Variants in MYCBP2 observed in about 807,000 individuals in gnomAD.
MYCBP2 encodes E3 ubiquitin-protein ligase MYCBP2.
In MYCBP2, 120 loss-of-function variants were observed where a neutral mutation model predicts 525.3. The ratio of observed to expected loss-of-function variants is 0.23; its 90% CI spans 0.20 to 0.27. The LOEUF (loss-of-function observed/expected upper bound fraction) is 0.27, where lower values mean the gene tolerates loss of function less well. Among genes scored for constraint, MYCBP2 ranks in the 10% least tolerant of loss-of-function variants. The pLI is 1.00. For missense variants in MYCBP2, 4,149 were observed against 5,657.1 expected, an observed-to-expected ratio of 0.73 and a Z score of 8.55; for synonymous variants, 1,894 against 1,955.8, an observed-to-expected ratio of 0.97 and a Z score of 0.83.
chr13:77,050,606 A>G (rs1194084712), intron 82 of MYCBP2, among the ~76,000 whole-genome samples: 1 of 151,918 alleles, frequency 6.6e-6, no homozygotes, highest in Non-Finnish European at 1.5e-5. Context: ...GCCATTCTAG[A>G]TTAAATCACT....
At chr13:77,106,429 CAGA>C (rs2047861197) in intron 55 of MYCBP2, among the ~76,000 whole-genome samples, 1 of 152,046 alleles carries the variant, frequency 6.6e-6, no homozygotes, top group Non-Finnish European at 1.5e-5. Context: ...ACAGGCTATT[CAGA>C]AGGACAATAT....
intron 17 of MYCBP2, among the ~76,000 whole-genome samples, chr13:77,237,838 C>A (rs1294396657): frequency 6.6e-6 from 1 of 152,066 alleles, no homozygotes; most frequent in Non-Finnish European, 1.5e-5. Context: ...CTAAATTCTT[C>A]ATATAATACT....
intron 1 of MYCBP2, among the ~76,000 whole-genome samples, chr13:77,314,835 T>G (rs556651815): frequency 6.6e-6 from 1 of 152,156 alleles, no homozygotes; most frequent in Admixed American, 6.5e-5. Flanking sequence ...GATGTTGATA[T>G]GGATGAGGCT....
intron 40 of MYCBP2, 116 bp downstream of exon 40, chr13:77,168,312 G>T: frequency 2.5e-6 from 2 of 787,202 alleles, no homozygotes; most frequent in Non-Finnish European, 4.0e-6. Context: ...TTCTCTATAT[G>T]TAAATACTAT....
In MYCBP2 at chr13:77,174,529, T is replaced by C. The variant is rs781520894; in HGVS notation, c.5473-40A>G. 6.0e-6 allele frequency: 9 copies of C among 1,500,604 alleles called. No homozygotes were observed. In the East Asian group the frequency reaches 1.6e-4, roughly 27 times the overall value. The allele number at this position is 1,500,604 out of a possible 1,614,324, so 93.0% of individuals were successfully genotyped here. On this transcript the variant is annotated intron_variant, in intron 36 of 82. Transcript: ENST00000544440. ...TGTAAAACATCTTTTATTCACAATG[T>C]ACAGAGGATATATAAAAAGAACTCT...
chr13:77,273,722 G>A, intron 4 of MYCBP2, 54 bp from the exon 5 acceptor site: 1 of 1,237,608 alleles, frequency 8.1e-7, no homozygotes, highest in South Asian at 2.5e-5. Context: ...AACATTATAT[G>A]CGTATATTTA....
chr13:77,171,764 C>G, intron 37 of MYCBP2, 130 bp from the exon 38 acceptor site: 1 of 821,648 alleles, frequency 1.2e-6, no homozygotes, highest in Non-Finnish European at 1.9e-6. Flanking sequence ...AGTAAACATG[C>G]AACTATACAA....
At position 77,071,259 on chromosome 13, in the gene MYCBP2, G is replaced by A. The variant is rs151163687; in HGVS notation, c.11824-548C>T. 1.2e-3 allele frequency among the ~76,000 whole-genome samples: 157 copies of A among 125,698 alleles called. 1 individual carries two copies. Among genetic ancestry groups the A allele is most frequent in the African/African-American group, 4.0e-3 (138 of 34,596 alleles). 82.5% of individuals were successfully genotyped at this position (125,698 alleles called of 152,430 possible). On this transcript the variant is annotated intron_variant, in intron 68 of 82. Coordinates refer to ENST00000544440, the MANE Select transcript of MYCBP2 (RefSeq NM_015057.5). ...TGTGTATATATATATATGCATGCACGTGTGTGCACACGCACACACACACAC... is the reference window on the plus strand; with the variant it reads ...TGTGTATATATATATATGCATGCACATGTGTGCACACGCACACACACACAC...
chr13:77,131,326 G>A (rs1393507615), intron 52 of MYCBP2, among the ~76,000 whole-genome samples: 3 of 152,026 alleles, frequency 2.0e-5, no homozygotes, highest in Admixed American at 1.3e-4. Context: ...AGACCAGCCT[G>A]GATAAGACAG....
intron 70 of MYCBP2, 34 bp from the exon 71 acceptor site, chr13:77,067,898 T>A: frequency 6.4e-7 from 1 of 1,561,622 alleles, no homozygotes. Flanking sequence ...GAATTCCATG[T>A]AAAGACTAAT....
chr13:77,080,106 TCCAGTAAGATAAAGTAGTTACA>T (rs1395195518), intron 65 of MYCBP2, among the ~76,000 whole-genome samples: 1 of 152,192 alleles, frequency 6.6e-6, no homozygotes, highest in Non-Finnish European at 1.5e-5. Context: ...CACTTGACTT[TCCAGTAAGATAAAGTAGTTACA>T]CCAGTGGAAA....
intron 74 of MYCBP2, 136 bp downstream of exon 74, chr13:77,062,460 G>A (rs1230642314): frequency 1.1e-5 from 8 of 727,228 alleles, no homozygotes; most frequent in Admixed American, 2.6e-5. Flanking sequence ...GAACTTGGCC[G>A]AAGGGACACA....
intron 52 of MYCBP2, 66 bp from the exon 53 acceptor site, chr13:77,126,608 T>G: frequency 1.6e-6 from 2 of 1,231,216 alleles, no homozygotes; most frequent in Non-Finnish European, 1.1e-6. Flanking sequence ...AAAGCCTTCC[T>G]ATTAATAGCT....
In MYCBP2 at chr13:77,077,390, G is replaced by A. The variant is rs1355763232; in HGVS notation, c.11485-3C>T. ...ATGTGCCTGGAATCCAGATCAACCT[G>A]GTTGAGTAGAAAAGAGGCAGGAACC... On this transcript the variant is annotated splice_polypyrimidine_tract_variant and splice_region_variant and intron_variant, in intron 66 of 82. Transcript: ENST00000544440. 1 of 1,613,602 alleles carries A rather than the reference G, an allele frequency of 6.2e-7. No homozygotes were observed. Among genetic ancestry groups the A allele is most frequent in the South Asian group, 1.1e-5 (1 of 91,058 alleles).
At chr13:77,209,205 C>T (rs1254314990) in intron 23 of MYCBP2, among the ~76,000 whole-genome samples, 2 of 152,102 alleles carry the variant, frequency 1.3e-5, no homozygotes, top group African/African-American at 2.4e-5. Flanking sequence ...TTGCTACTAC[C>T]ATAAATGGAA....
In MYCBP2 at chr13:77,096,361, C is replaced by A. The variant is rs539089031; in HGVS notation, c.9905G>T (p.Arg3302Leu). The A allele has an allele frequency of 9.9e-6, 16 of 1,613,360 alleles. No homozygotes were observed. The South Asian group carries it at 1.8e-4, about 18-fold the overall frequency. ...GGSTWYLVCD[R>L]CREKYLREKQ... ...TTCGCGGAGGTATTTTTCTCTACAG[C>A]GATCACATACCAGATACCAAGTGCT... The change falls in exon 57 of 83, where the codon CGC becomes CTC. Residue 3302 changes from arginine (R) to leucine (L), a missense_variant. Transcript: ENST00000544440.
chr13:77,302,179 G>C (rs183909040), intron 1 of MYCBP2, among the ~76,000 whole-genome samples: 1 of 152,126 alleles, frequency 6.6e-6, no homozygotes, highest in African/African-American at 2.4e-5. Flanking sequence ...AGTGAAGAAA[G>C]AAATCAACTG....
rs2059485710 is a variant in MYCBP2, at chr13:77,174,910, T to TAATATAAATATA, written c.5473-422_5473-421insTATATTTATATT. Among the ~76,000 whole-genome samples the TAATATAAATATA allele has an allele frequency of 3.6e-5, 3 of 84,292 alleles. 1 individual carries two copies. The highest frequency in any genetic ancestry group is 2.1e-4 in the African/African-American group (3 of 14,320). The allele number at this position is 84,292 out of a possible 152,430, so 55.3% of individuals were successfully genotyped here. Reference sequence around the variant, plus strand: ...GAATATTAGCCATACTATATATATATAATATATATTATATATATATAATAT... The same window carrying TAATATAAATATA: ...GAATATTAGCCATACTATATATATATAATATAAATATAAATATATATTATATATATATAATAT... On this transcript the variant is annotated intron_variant, in intron 36 of 82. Coordinates refer to ENST00000544440, the MANE Select transcript of MYCBP2 (RefSeq NM_015057.5).
chr13:77,110,330 T>A (rs1206809272), intron 55 of MYCBP2, among the ~76,000 whole-genome samples: 1 of 152,170 alleles, frequency 6.6e-6, no homozygotes, highest in Non-Finnish European at 1.5e-5. Flanking sequence ...AAATACGCCC[T>A]GGTCTCCTGC....
Sources: gnomAD v4.1 joint callset for allele counts (sites outside exome capture counted in the v4.1 genomes callset) on GRCh38, gnomAD v4.1.1 for gene constraint, MANE v1.5 for transcripts, NCBI Gene and HGNC (gene_info 2026-07-23, HGNC 2026-07-21) for gene names.